The following NFIA variants were observed in gnomAD, a reference collection of about 807,000 sequenced individuals.
NFIA encodes nuclear factor 1 A-type.
NFIA carries 8 observed loss-of-function variants against 62.8 expected under a neutral mutation model. The observed-to-expected ratio is 0.13, with a 90% CI of 0.07 to 0.23. The LOEUF (loss-of-function observed/expected upper bound fraction) is 0.23, where lower values mean the gene tolerates loss of function less well. Ranked by LOEUF, NFIA falls within the 10% of genes least tolerant of loss-of-function variation. The pLI, the probability that NFIA is intolerant of heterozygous loss-of-function variation, is 1.00. For missense variants in NFIA, 410 were observed against 642.1 expected (o/e 0.64, Z 3.91); for synonymous variants, 235 against 238.1 (o/e 0.99, Z 0.12).
chr1:61,219,284 A>C (rs1653853806), intron 2 of NFIA, among the ~76,000 whole-genome samples: 1 of 152,084 alleles, frequency 6.6e-6, no homozygotes, highest in South Asian at 2.1e-4. Context: ...TTGTAAAAGA[A>C]TTTTTTCCAA....
At chr1:61,206,232 TATG>T (rs1206582611) in intron 2 of NFIA, among the ~76,000 whole-genome samples, 2 of 152,228 alleles carry the variant, frequency 1.3e-5, no homozygotes, top group African/African-American at 4.8e-5. Context: ...AATTTTGTAA[TATG>T]AGGCTTTTCC....
At chr1:61,399,202 T>C (rs1344618567) in intron 7 of NFIA, among the ~76,000 whole-genome samples, 1 of 152,228 alleles carries the variant, frequency 6.6e-6, no homozygotes, top group Non-Finnish European at 1.5e-5. Flanking sequence ...ATCTCACCTG[T>C]TGCCACTGCC....
chr1:61,434,074 C>T (rs1328302679), intron 10 of NFIA, among the ~76,000 whole-genome samples: 1 of 152,210 alleles, frequency 6.6e-6, no homozygotes, highest in Non-Finnish European at 1.5e-5. Flanking sequence ...AGCTATTCTT[C>T]CCTTGTACAG....
intron 2 of NFIA, among the ~76,000 whole-genome samples, chr1:61,268,922 G>A (rs988931577): frequency 2.6e-5 from 4 of 152,014 alleles, no homozygotes; most frequent in South Asian, 2.1e-4. Context: ...CAGACTCTCC[G>A]CACACTTCTC....
chr1:61,163,382 T>G (rs535615161), intron 2 of NFIA, among the ~76,000 whole-genome samples: 1 of 152,344 alleles, frequency 6.6e-6, no homozygotes, highest in South Asian at 2.1e-4. Flanking sequence ...GGATCAGTTC[T>G]TTTCTTTGAG....
At chr1:61,347,971 C>T (rs574988111) in intron 4 of NFIA, among the ~76,000 whole-genome samples, 6 of 152,266 alleles carry the variant, frequency 3.9e-5, no homozygotes, top group Admixed American at 1.3e-4. Flanking sequence ...CTAGCAAATG[C>T]ACTTTGAGGT....
At chr1:61,220,528 A>G (rs1446629434) in intron 2 of NFIA, among the ~76,000 whole-genome samples, 1 of 152,258 alleles carries the variant, frequency 6.6e-6, no homozygotes, top group East Asian at 1.9e-4. Context: ...AATTAGAGAC[A>G]CTATCATTGC....
Position 61,358,473 on chromosome 1 carries a change from A to G in NFIA, c.819-674A>G, listed in dbSNP as rs181461400. On this transcript the variant is annotated intron_variant, in intron 5 of 10. Coordinates refer to ENST00000403491, the MANE Select transcript of NFIA (RefSeq NM_001134673.4). The stretch of plus-strand genomic sequence containing the variant: ...ACGATCTCGGCTCACTGCAACCTCC[A>G]CCTCTCAATTCAAGCAATTGTCCTG... 2.7e-3 allele frequency among the ~76,000 whole-genome samples: 346 copies of G among 128,770 alleles called. 1 individual carries two copies. Among genetic ancestry groups the G allele is most frequent in the African/African-American group, 9.7e-3 (330 of 34,004 alleles). 84.5% of individuals were successfully genotyped at this position (128,770 alleles called of 152,430 possible). A position where few individuals can be genotyped will look rare whatever the true frequency, so the allele number is the denominator to read the frequency against.
In NFIA at chr1:61,170,840, T is replaced by G. The variant is rs550303009; in HGVS notation, c.559+82160T>G. Reference sequence around the variant, plus strand: ...AGTGATGGTGCACCCACAAAGGTGTTTGGTCTTGATAAGCTTCTAAAGAAG... The same window carrying G: ...AGTGATGGTGCACCCACAAAGGTGTGTGGTCTTGATAAGCTTCTAAAGAAG... On this transcript the variant is annotated intron_variant, in intron 2 of 10. Coordinates refer to ENST00000403491, the MANE Select transcript of NFIA (RefSeq NM_001134673.4). Among the ~76,000 whole-genome samples the G allele has an allele frequency of 1.1e-4, 16 of 152,348 alleles. No homozygotes were observed. The South Asian group carries it at 3.1e-3, about 30-fold the overall frequency.
intron 2 of NFIA, among the ~76,000 whole-genome samples, chr1:61,143,793 C>A (rs1647720314): frequency 6.6e-6 from 1 of 152,160 alleles, no homozygotes; most frequent in East Asian, 1.9e-4. Flanking sequence ...GCAGGGTAAG[C>A]TCTGATTCCA....
chr1:61,345,570 A>G (rs1163234076), intron 4 of NFIA, among the ~76,000 whole-genome samples: 1 of 152,230 alleles, frequency 6.6e-6, no homozygotes, highest in African/African-American at 2.4e-5. Flanking sequence ...CGGACTGCAC[A>G]GCAGGAGGGG....
chr1:61,139,383 G>A (rs1372387951), intron 2 of NFIA, among the ~76,000 whole-genome samples: 1 of 152,186 alleles, frequency 6.6e-6, no homozygotes, highest in African/African-American at 2.4e-5. Flanking sequence ...TTGCTGAGGG[G>A]CTCCGTGCAG....
chr1:61,269,509 A>AT (rs570624607), intron 2 of NFIA, among the ~76,000 whole-genome samples: 20 of 151,474 alleles, frequency 1.3e-4, no homozygotes, highest in Admixed American at 7.2e-4. Flanking sequence ...AGCTGGATGT[A>AT]TTTTTTTTTA....
intron 3 of NFIA, among the ~76,000 whole-genome samples, chr1:61,307,841 G>T (rs991984498): frequency 2.0e-4 from 30 of 152,286 alleles, no homozygotes; most frequent in African/African-American, 7.0e-4. Context: ...TGAAGTAGAG[G>T]TGGGAGCCCT....
chr1:61,349,594 G>A (rs1289803411), intron 4 of NFIA, among the ~76,000 whole-genome samples: 2 of 151,874 alleles, frequency 1.3e-5, no homozygotes, highest in Non-Finnish European at 2.9e-5. Context: ...TTTTATTCGA[G>A]ATGGGTTCTC....
chr1:61,290,762 G>T (rs2782549), intron 3 of NFIA, among the ~76,000 whole-genome samples: 102,836 of 152,066 alleles, frequency 0.68, 35,728 homozygotes, highest in Non-Finnish European at 0.76. Flanking sequence ...GTAAACCTTA[G>T]CACGTGCTCC....
At chr1:61,120,562 A>G (rs1445012132) in intron 2 of NFIA, among the ~76,000 whole-genome samples, 2 of 152,200 alleles carry the variant, frequency 1.3e-5, no homozygotes, top group Admixed American at 6.5e-5. Flanking sequence ...AGCTGCCATC[A>G]AAAGAGTGAT....
intron 3 of NFIA, among the ~76,000 whole-genome samples, chr1:61,319,826 CACACACACA>C (rs1557704016): frequency 2.0e-5 from 3 of 150,016 alleles, no homozygotes; most frequent in African/African-American, 7.4e-5. Flanking sequence ...CACACACACA[CACACACACA>C]CCAACTTTCA....
At chr1:61,372,258 A>T (rs6703989) in intron 6 of NFIA, among the ~76,000 whole-genome samples, 14,940 of 152,196 alleles carry the variant, frequency 0.098, 953 homozygotes, top group East Asian at 0.32. Context: ...GACTGATGGA[A>T]CTAACTCATT....
Sources: gnomAD v4.1 joint callset for allele counts (sites outside exome capture counted in the v4.1 genomes callset) on GRCh38, gnomAD v4.1.1 for gene constraint, MANE v1.5 for transcripts, NCBI Gene and HGNC (gene_info 2026-07-23, HGNC 2026-07-21) for gene names.